SUPT7L: variants seen among roughly 807,000 people sequenced by gnomAD.
SUPT7L encodes the protein STAGA complex 65 subunit gamma.
In SUPT7L, 15 loss-of-function variants were observed where a neutral mutation model predicts 35.7. The ratio of observed to expected loss-of-function variants is 0.42; its 90% CI spans 0.28 to 0.65. The LOEUF is 0.65. Ranked by LOEUF, SUPT7L falls within the 30% of genes least tolerant of loss-of-function variation. The pLI is 0.23. For synonymous variants in SUPT7L, 168 were observed against 186.2 expected (o/e 0.90, Z 0.79); for missense variants, 434 against 522.2 (o/e 0.83, Z 1.65).
Position 27,663,559 on chromosome 2 carries a change from G to T in SUPT7L, c.-320C>A. On this transcript the variant is annotated 5_prime_UTR_variant, in exon 1 of 6. Coordinates refer to ENST00000337768, the MANE Select transcript of SUPT7L (RefSeq NM_014860.3). ...CTGGGCGGCTGTCTGGACCTCGAGA[G>T]GCCTGAGGCAAGGATCGCGTCAGAC... 2 of 581,112 alleles carry T rather than the reference G, an allele frequency of 3.4e-6. No homozygotes were observed. Among genetic ancestry groups the T allele is most frequent in the Middle Eastern group, 4.5e-4 (1 of 2,198 alleles). 36.0% of individuals were successfully genotyped at this position (581,112 alleles called of 1,614,324 possible).
Position 27,657,647 on chromosome 2 carries a change from C to T in SUPT7L, c.442G>A (p.Glu148Lys). 6.2e-7 allele frequency: 1 copy of T among 1,613,218 alleles called. No individual in the cohort carries two copies. Among genetic ancestry groups the T allele is most frequent in the South Asian group, 1.1e-5 (1 of 91,044 alleles). The part of the protein sequence containing the change: ...FYRGKGEPVT[E>K]LSWHSCRQLL... ...TGCCGACAGGAGTGCCAGCTGAGTT[C>T]AGTCACAGGTTCCCCTTTCCCACTG... Residue 148 changes from glutamate to lysine, a missense_variant, in exon 4 of 6, where the codon GAA becomes AAA. Glu to Lys is a moderately conservative substitution (Grantham distance 56). Coordinates refer to ENST00000337768, the MANE Select transcript of SUPT7L (RefSeq NM_014860.3). This position sits in a 1 kb window ranked among gnomAD's most constrained non-coding sequence, Gnocchi z 5.2.
At chr2:27,647,901 G>T (rs1358309877), downstream of SUPT7L, 1 of 1,613,604 alleles carries the variant, frequency 6.2e-7, no homozygotes, top group Non-Finnish European at 8.5e-7. Context: ...GGATGAAGAG[G>T]ATGAGGAAGC....
At chr2:27,648,783 A>G (rs759984697), downstream of SUPT7L, among the ~76,000 whole-genome samples, 31 of 152,116 alleles carry the variant, frequency 2.0e-4, no homozygotes, top group Middle Eastern at 3.2e-3. Context: ...CCACAGGCAC[A>G]TGCCATCACA....
rs991029675 is a variant in SUPT7L at position 27,663,546 on chromosome 2, C to T, written c.-307G>A. On this transcript the variant is annotated 5_prime_UTR_variant, in exon 1 of 6. Coordinates refer to ENST00000337768, the MANE Select transcript of SUPT7L (RefSeq NM_014860.3). ...GTCGCAGAGCGGGCTGGGCGGCTGT[C>T]TGGACCTCGAGAGGCCTGAGGCAAG... The T allele has an allele frequency of 8.9e-6, 5 of 564,026 alleles. No individual in the cohort carries two copies. The highest frequency in any genetic ancestry group is 1.6e-5 in the Non-Finnish European group (5 of 316,266). 34.9% of individuals were successfully genotyped at this position (564,026 alleles called of 1,614,324 possible). A position where few individuals can be genotyped will look rare whatever the true frequency, so the allele number is the denominator to read the frequency against.
intron 3 of SUPT7L, 42 bp downstream of exon 3, chr2:27,660,942 G>A: frequency 6.3e-7 from 1 of 1,575,384 alleles, no homozygotes; most frequent in Non-Finnish European, 8.6e-7. Context: ...TTGTTGGGAA[G>A]ATGACTTGAG....
intron 2 of SUPT7L, 139 bp from the exon 3 acceptor site, chr2:27,661,527 G>T (rs910281723): frequency 6.8e-7 from 1 of 1,459,982 alleles, no homozygotes; most frequent in Admixed American, 2.8e-5. Context: ...AGTTATTTAT[G>T]TAAAAAGTAG....
intron 4 of SUPT7L, among the ~76,000 whole-genome samples, chr2:27,656,469 G>T (rs1674809093): frequency 6.6e-6 from 1 of 152,204 alleles, no homozygotes; most frequent in African/African-American, 2.4e-5. Flanking sequence ...TAGAGACAGG[G>T]TCTTGCTATG....
chr2:27,644,408 G>A, the SUPT7L span, among the ~76,000 whole-genome samples: 4 of 151,862 alleles, frequency 2.6e-5, no homozygotes, highest in African/African-American at 7.3e-5. Context: ...CTTTGTTCAC[G>A]GTGTTATTTT....
chr2:27,643,829 GATGTTAACTTTGAGT>G, the SUPT7L span, among the ~76,000 whole-genome samples: 1 of 152,172 alleles, frequency 6.6e-6, no homozygotes, highest in Non-Finnish European at 1.5e-5. This position sits in a 1 kb window ranked among gnomAD's most constrained non-coding sequence, Gnocchi z 4.0. Flanking sequence ...CATTACTGGT[GATGTTAACTTTGAGT>G]ATTTTTATAA....
At chr2:27,655,188 TAGAA>T (rs1335930001) in intron 5 of SUPT7L, among the ~76,000 whole-genome samples, 173 bp downstream of exon 5, 2 of 152,180 alleles carry the variant, frequency 1.3e-5, no homozygotes, top group Admixed American at 6.5e-5. Flanking sequence ...CTTCACTAAT[TAGAA>T]AGAGAAGAAT....
intron 2 of SUPT7L, chr2:27,661,974 G>C (rs1572983053): frequency 1.5e-6 from 1 of 674,284 alleles, no homozygotes; most frequent in East Asian, 2.9e-5. Flanking sequence ...TTCAACTTTT[G>C]ACATATAGAA....
chr2:27,652,335 C>G lies in SUPT7L; in HGVS notation c.*1150G>C, dbSNP rs1289389899. 1 of 152,166 alleles carries G rather than the reference C, an allele frequency of 6.6e-6. No homozygotes were observed. Among genetic ancestry groups the G allele is most frequent in the Non-Finnish European group, 1.5e-5 (1 of 68,002 alleles). The allele number at this position is 152,166 out of a possible 1,614,324, so 9.4% of individuals were successfully genotyped here. ...CATTCAATAATGAATTAAAGCTGTG[C>G]CTTATTTTGGTCTGCATTAAAGGAG... is the stretch of plus-strand genomic sequence containing the variant. On this transcript the variant is annotated 3_prime_UTR_variant, in exon 6 of 6. Coordinates refer to ENST00000337768, the MANE Select transcript of SUPT7L (RefSeq NM_014860.3).
rs537179168 is a variant in SUPT7L at position 27,653,606 on chromosome 2, G to C, written c.1124C>G (p.Ala375Gly). 1.2e-5 allele frequency: 20 copies of C among 1,614,214 alleles called. No homozygotes were observed. The South Asian group carries it at 2.1e-4, about 17-fold the overall frequency. ...FEEPMSGMSE[A>G]GIPQSPDDSD... ...GTCATCAGGGCTCTGAGGAATCCCA[G>C]CTTCACTCATGCCTGACATAGGCTC... Residue 375 changes from alanine to glycine, a missense_variant, in exon 6 of 6, where the codon GCT (alanine) becomes GGT (glycine). Around this residue, in one of 3 missense-constraint regions of SUPT7L, gnomAD observed 159 missense variants for 217.1 expected, o/e 0.73. Coordinates refer to ENST00000337768, the MANE Select transcript of SUPT7L (RefSeq NM_014860.3).
Position 27,657,470 on chromosome 2 carries a change from G to A in SUPT7L, c.619C>T (p.Leu207=). 1 of 1,614,258 alleles carries A rather than the reference G, an allele frequency of 6.2e-7. No individual in the cohort carries two copies. The highest frequency in any genetic ancestry group is 8.5e-7 in the Non-Finnish European group (1 of 1,180,048). Reference sequence around the variant, plus strand: ...ACATCAGGAAAAGGAGTCTGTCCCAGCCGGGCCTCCCGGTCCACAGCAAAA... The same window carrying A: ...ACATCAGGAAAAGGAGTCTGTCCCAACCGGGCCTCCCGGTCCACAGCAAAA... ...LRFAVDREAR[L]GQTPFPDVME... Residue 207 remains leucine (L), a synonymous_variant, in exon 4 of 6, where the codon CTG becomes TTG. Coordinates refer to ENST00000337768, the MANE Select transcript of SUPT7L (RefSeq NM_014860.3). The surrounding 1 kb of genome is among the most constrained non-coding windows in gnomAD (Gnocchi z 5.2).
chr2:27,661,829 G>T, intron 2 of SUPT7L: 1 of 396,958 alleles, frequency 2.5e-6, no homozygotes, highest in South Asian at 2.8e-5. Context: ...AAGGTATCTT[G>T]ATACATCTGT....
intron 2 of SUPT7L, 36 bp downstream of exon 2, chr2:27,662,142 AC>A (rs1675143136): frequency 1.2e-6 from 2 of 1,613,948 alleles, no homozygotes; most frequent in Admixed American, 3.3e-5. Flanking sequence ...TCCTTGGCTT[AC>A]CATTCAACAA....
Position 27,657,913 on chromosome 2 carries a change from A to G in SUPT7L, c.420-244T>C, listed in dbSNP as rs1385871409. ...AGGCAATACATGTCTATAATACACA[A>G]TCCAAAAGGATATCTAGTGAAAAGA... On this transcript the variant is annotated intron_variant, in intron 3 of 5. Coordinates refer to ENST00000337768, the MANE Select transcript of SUPT7L (RefSeq NM_014860.3). The surrounding 1 kb of genome is among the most constrained non-coding windows in gnomAD (Gnocchi z 5.2). 6.6e-6 allele frequency among the ~76,000 whole-genome samples: 1 copy of G among 152,204 alleles called. No homozygotes were observed. The highest frequency in any genetic ancestry group is 1.5e-5 in the Non-Finnish European group (1 of 68,034).
At chr2:27,646,269 T>TG (rs1366513294), downstream of SUPT7L, among the ~76,000 whole-genome samples, 1 of 152,212 alleles carries the variant, frequency 6.6e-6, no homozygotes, top group Non-Finnish European at 1.5e-5. Context: ...CTTGAACTCC[T>TG]GACCTCAGGT....
At chr2:27,654,303 A>G (rs1395198468) in intron 5 of SUPT7L, among the ~76,000 whole-genome samples, 1 of 152,236 alleles carries the variant, frequency 6.6e-6, no homozygotes, top group Non-Finnish European at 1.5e-5. Context: ...TATGTATTCT[A>G]GCAATGCTGT....
Sources: allele counts gnomAD v4.1 joint callset (sites outside exome capture counted in the v4.1 genomes callset), GRCh38; gene constraint gnomAD v4.1.1; regional missense constraint gnomAD v4.1.1; non-coding constraint Gnocchi (gnomAD v3.1); transcripts MANE v1.5; gene names NCBI Gene and HGNC (gene_info 2026-07-23, HGNC 2026-07-21).